The following SRGAP2 variants were observed in gnomAD, a reference collection of about 807,000 sequenced individuals.
The protein encoded by SRGAP2 is SLIT-ROBO Rho GTPase activating protein 2.
In SRGAP2, 15 loss-of-function variants were observed where a neutral mutation model predicts 57.2. That is an observed-to-expected ratio of 0.26 (90% CI 0.18 to 0.40). SRGAP2 has a LOEUF of 0.40. Among genes scored for constraint, SRGAP2 ranks in the 10% least tolerant of loss-of-function variants. The pLI, the probability that SRGAP2 is intolerant of heterozygous loss-of-function variation, is 1.00. For missense variants in SRGAP2, 520 were observed against 669.6 expected (o/e 0.78, Z 2.47); for synonymous variants, 249 against 248.0 (o/e 1.00, Z -0.04).
At chr1:206,303,912 ACACACACT>A (rs1312503304) in intron 3 of SRGAP2, among the ~76,000 whole-genome samples, 2 of 151,394 alleles carry the variant, frequency 1.3e-5, no homozygotes, top group African/African-American at 2.5e-5. Flanking sequence ...ACACACACAC[ACACACACT>A]CACACTCACA....
intron 7 of SRGAP2, among the ~76,000 whole-genome samples, chr1:206,400,002 TTC>T (rs1572055597): frequency 6.9e-6 from 1 of 145,920 alleles, no homozygotes; most frequent in East Asian, 2.1e-4. Flanking sequence ...CCAACTGATG[TTC>T]TCACTGAGCT....
In SRGAP2 at chr1:206,304,501, TA is replaced by T. The variant is rs1231123239; in HGVS notation, c.260+1036del. ...ATGCTAATACAATAGCTGATGAGCT[TA>T]AAAAAAATTGCAAAAAAACCTCATA... On this transcript the variant is annotated intron_variant, in intron 3 of 22. Coordinates refer to ENST00000573034, the MANE Select transcript of SRGAP2 (RefSeq NM_015326.5). 4.0e-5 allele frequency among the ~76,000 whole-genome samples: 6 copies of T among 150,560 alleles called. No homozygotes were observed. In the East Asian group the frequency reaches 9.7e-4, roughly 24 times the overall value.
chr1:206,231,980 G>A (rs2102519491), intron 2 of SRGAP2, among the ~76,000 whole-genome samples: 1 of 151,820 alleles, frequency 6.6e-6, no homozygotes, highest in East Asian at 2.0e-4. Context: ...CTTTGGTGAG[G>A]AGATCCTGCG....
chr1:206,314,112 T>G (rs1255329960), intron 3 of SRGAP2, among the ~76,000 whole-genome samples: 54 of 150,800 alleles, frequency 3.6e-4, no homozygotes, highest in Non-Finnish European at 6.9e-4. Context: ...TTTGTTTTTT[T>G]TTTTTTGTTG....
At chr1:206,301,179 C>T (rs1671851555) in intron 2 of SRGAP2, among the ~76,000 whole-genome samples, 1 of 152,100 alleles carries the variant, frequency 6.6e-6, no homozygotes, top group Non-Finnish European at 1.5e-5. Flanking sequence ...CCACAGGCAC[C>T]TGCCACCATG....
At chr1:206,441,347 T>C (rs1662282052) in intron 17 of SRGAP2, among the ~76,000 whole-genome samples, 2 of 152,106 alleles carry the variant, frequency 1.3e-5, no homozygotes, top group African/African-American at 4.8e-5. Flanking sequence ...AGGGAACGGA[T>C]GTGTCTACAA....
intron 3 of SRGAP2, among the ~76,000 whole-genome samples, chr1:206,303,932 A>T (rs1316325527): frequency 6.6e-6 from 1 of 151,238 alleles, no homozygotes; most frequent in Non-Finnish European, 1.5e-5. Context: ...ACACTCACAC[A>T]CCCCTAGTAA....
intron 7 of SRGAP2, among the ~76,000 whole-genome samples, chr1:206,394,470 C>T (rs1265781137): frequency 6.6e-6 from 1 of 152,164 alleles, no homozygotes; most frequent in African/African-American, 2.4e-5. Context: ...TAAGGTTTCT[C>T]AGTGTTAACT....
intron 3 of SRGAP2, among the ~76,000 whole-genome samples, chr1:206,314,229 G>C (rs1672901686): frequency 6.6e-6 from 1 of 151,578 alleles, no homozygotes; most frequent in Non-Finnish European, 1.5e-5. Flanking sequence ...CTGCCTCCCA[G>C]GTTCAAGCTA....
chr1:206,270,729 G>A (rs1670135980), intron 2 of SRGAP2, among the ~76,000 whole-genome samples: 7 of 52,764 alleles, frequency 1.3e-4, no homozygotes. Context: ...AAAAAATGTG[G>A]CACACGTGCC....
intron 19 of SRGAP2, among the ~76,000 whole-genome samples, chr1:206,451,134 A>AG: frequency 6.6e-6 from 1 of 151,682 alleles, no homozygotes; most frequent in East Asian, 1.9e-4. Context: ...AAAAAAAAAA[A>AG]AAAAAGTAAG....
chr1:206,442,079 T>G (rs1662357845), intron 17 of SRGAP2, among the ~76,000 whole-genome samples: 1 of 152,224 alleles, frequency 6.6e-6, no homozygotes, highest in Non-Finnish European at 1.5e-5. Context: ...AAGTGTCAGC[T>G]TGCTTCCAAG....
At chr1:206,243,242 T>C (rs550680025) in intron 2 of SRGAP2, among the ~76,000 whole-genome samples, 21 of 127,246 alleles carry the variant, frequency 1.7e-4, no homozygotes, top group Admixed American at 8.5e-4. Flanking sequence ...CAGCTACTCC[T>C]GTGTCACTCA....
intron 3 of SRGAP2, among the ~76,000 whole-genome samples, chr1:206,325,791 T>A (rs1571863104): frequency 6.6e-6 from 1 of 152,350 alleles, no homozygotes; most frequent in Non-Finnish European, 1.5e-5. Flanking sequence ...CATTGTTTTT[T>A]AAATTTTTTG....
At position 206,461,606 on chromosome 1, in the gene SRGAP2, CTGCCCTCTGCT is replaced by C; in HGVS notation, c.*188_*198del. ...CCTTGGTATCGCCTCTCCCTTCCCA[CTGCCCTCTGCT>C]TCCCCCAGTCGTCGTAATTCAGCCA... On this transcript the variant is annotated 3_prime_UTR_variant, in exon 23 of 23. Coordinates refer to ENST00000573034, the MANE Select transcript of SRGAP2 (RefSeq NM_015326.5). 1.7e-6 allele frequency: 1 copy of C among 588,170 alleles called. No individual in the cohort carries two copies. The highest frequency in any genetic ancestry group is 2.3e-5 in the South Asian group (1 of 44,252). The allele number at this position is 588,170 out of a possible 1,614,324, so 36.4% of individuals were successfully genotyped here.
rs925264669 is a variant in SRGAP2, at chr1:206,463,410, C to G, written c.*1990C>G. The G allele has an allele frequency of 2.0e-5, 3 of 152,626 alleles. No homozygotes were observed. The highest frequency in any genetic ancestry group is 4.4e-5 in the Non-Finnish European group (3 of 68,040). 9.5% of individuals were successfully genotyped at this position (152,626 alleles called of 1,614,324 possible). A position where few individuals can be genotyped will look rare whatever the true frequency, so the allele number is the denominator to read the frequency against. ...GGCTTTCATACCCAAGGATCTGTTTCCTTGCTGAAAATGAAACCCTATCTT... is the reference window on the plus strand; with the variant it reads ...GGCTTTCATACCCAAGGATCTGTTTGCTTGCTGAAAATGAAACCCTATCTT... On this transcript the variant is annotated 3_prime_UTR_variant, in exon 23 of 23. Coordinates refer to ENST00000573034, the MANE Select transcript of SRGAP2 (RefSeq NM_015326.5).
chr1:206,422,795 CAA>C (rs1383440074), intron 13 of SRGAP2, among the ~76,000 whole-genome samples: 1 of 152,192 alleles, frequency 6.6e-6, no homozygotes, highest in Non-Finnish European at 1.5e-5. Context: ...CAGTTGCAGG[CAA>C]AGTGTGTTTG....
chr1:206,401,104 A>C (rs527305265), intron 7 of SRGAP2, among the ~76,000 whole-genome samples: 14 of 152,194 alleles, frequency 9.2e-5, no homozygotes, highest in African/African-American at 3.4e-4. Context: ...TAAACCTGAA[A>C]ATGAAAGAGG....
intron 4 of SRGAP2, among the ~76,000 whole-genome samples, chr1:206,377,121 TAA>T (rs1428771254): frequency 6.6e-6 from 1 of 152,206 alleles, no homozygotes; most frequent in Non-Finnish European, 1.5e-5. Flanking sequence ...TTTTTTAGAC[TAA>T]GTTTTTCAGA....
Sources: allele counts gnomAD v4.1 joint callset (sites outside exome capture counted in the v4.1 genomes callset), GRCh38; gene constraint gnomAD v4.1.1; transcripts MANE v1.5; gene names NCBI Gene and HGNC (gene_info 2026-07-23, HGNC 2026-07-21).